Variants in EHBP1 observed in about 807,000 individuals in gnomAD.
EHBP1 encodes the protein EH domain-binding protein 1.
In EHBP1, 55 loss-of-function variants were observed where a neutral mutation model predicts 144.0. The ratio of observed to expected loss-of-function variants is 0.38; its 90% CI spans 0.31 to 0.48. The LOEUF is 0.48. Ranked by LOEUF, EHBP1 falls within the 20% of genes least tolerant of loss-of-function variation. The pLI is 0.98. For missense variants in EHBP1, 1,200 were observed against 1,364.2 expected (o/e 0.88, Z 1.90); for synonymous variants, 469 against 472.7 (o/e 0.99, Z 0.10).
chr2:62,860,853 C>T (rs891623563), intron 8 of EHBP1, among the ~76,000 whole-genome samples: 3 of 152,084 alleles, frequency 2.0e-5, no homozygotes, highest in African/African-American at 4.8e-5. Context: ...GTAAGCCAGC[C>T]TGATTCAGAA....
chr2:62,860,491 A>G (rs906258082), intron 8 of EHBP1, among the ~76,000 whole-genome samples: 1 of 88,394 alleles, frequency 1.1e-5, no homozygotes, highest in Non-Finnish European at 2.6e-5. Context: ...ACTCCATCTC[A>G]AAAAAAGAAA....
intron 19 of EHBP1, among the ~76,000 whole-genome samples, chr2:63,021,621 C>T (rs1330886641): frequency 6.6e-6 from 1 of 152,176 alleles, no homozygotes; most frequent in Admixed American, 6.5e-5. Context: ...GATTAACCAA[C>T]ATTTCATAAT....
intron 1 of EHBP1, among the ~76,000 whole-genome samples, chr2:62,690,690 C>G (rs891859840): frequency 3.3e-5 from 5 of 152,104 alleles, no homozygotes; most frequent in African/African-American, 1.2e-4. Context: ...ACTTTGTCTC[C>G]TACCAGGGAG....
intron 19 of EHBP1, among the ~76,000 whole-genome samples, chr2:63,031,572 TTAA>T (rs1340424640): frequency 1.3e-5 from 2 of 152,308 alleles, no homozygotes; most frequent in East Asian, 3.9e-4. Context: ...TCATTTACCT[TTAA>T]AGGCTCTTAG....
intron 5 of EHBP1, among the ~76,000 whole-genome samples, chr2:62,796,436 T>A (rs548084541): frequency 6.6e-6 from 1 of 152,182 alleles, no homozygotes; most frequent in Non-Finnish European, 1.5e-5. Flanking sequence ...GGTCACCTTT[T>A]AATACACAAT....
At position 62,953,497 on chromosome 2, in the gene EHBP1, T is replaced by A. The variant is rs1012494125; in HGVS notation, c.2317-2020T>A. Among the ~76,000 whole-genome samples the A allele has an allele frequency of 4.6e-5, 7 of 151,760 alleles. No individual in the cohort carries two copies. In the South Asian group the frequency reaches 6.2e-4, roughly 14 times the overall value. On this transcript the variant is annotated intron_variant, in intron 13 of 22. Coordinates refer to ENST00000431489, the MANE Select transcript of EHBP1 (RefSeq NM_001142616.3). ...CTGAGAGGTCAAGGCTGCAGTGAGC[T>A]GTGATCATGCCATTGGACTCCAGCC...
intron 2 of EHBP1, among the ~76,000 whole-genome samples, chr2:62,737,874 C>A (rs540688198): frequency 5.3e-5 from 8 of 152,062 alleles, no homozygotes; most frequent in African/African-American, 7.2e-5. Context: ...AATGATTCTT[C>A]CCTCTTAGCC....
upstream of EHBP1, among the ~76,000 whole-genome samples, chr2:62,705,252 C>T (rs913818102): frequency 2.6e-5 from 4 of 151,968 alleles, no homozygotes; most frequent in Non-Finnish European, 4.4e-5. Context: ...GAGATGAGAA[C>T]AGGAGAGAAA....
At chr2:62,893,879 A>C (rs1031776338) in intron 10 of EHBP1, among the ~76,000 whole-genome samples, 2 of 152,092 alleles carry the variant, frequency 1.3e-5, no homozygotes, top group African/African-American at 4.8e-5. Flanking sequence ...CCCTGTCTCC[A>C]CTACAAATAC....
At position 62,993,867 on chromosome 2, in the gene EHBP1, TA is replaced by T; in HGVS notation, c.2873-2del. The T allele has an allele frequency of 6.5e-7, 1 of 1,528,798 alleles. No individual in the cohort carries two copies. 94.7% of individuals were successfully genotyped at this position (1,528,798 alleles called of 1,614,324 possible). The stretch of plus-strand genomic sequence containing the variant: ...TTACATGTCTTTCCTCTTTTTTTTT[TA>T]AGAGATGAAAAGGCAGAGATCAATA... On this transcript the variant is annotated splice_region_variant and splice_polypyrimidine_tract_variant and intron_variant, in intron 17 of 22. Coordinates refer to ENST00000431489, the MANE Select transcript of EHBP1 (RefSeq NM_001142616.3).
chr2:62,997,428 ATGTGTGTGTGTGTGTGTGTG>A (rs70962800), intron 19 of EHBP1, among the ~76,000 whole-genome samples: 44 of 90,622 alleles, frequency 4.9e-4, no homozygotes, highest in African/African-American at 1.2e-3. Context: ...AAAGGAACTC[ATGTGTGTGTGTGTGTGTGTG>A]TGTGTGTGTG....
At chr2:62,710,789 T>A (rs537367493) in intron 2 of EHBP1, among the ~76,000 whole-genome samples, 41 of 152,294 alleles carry the variant, frequency 2.7e-4, no homozygotes, top group Non-Finnish European at 4.4e-5. Context: ...CCCAGCTTAG[T>A]CTTCCAATTA....
intron 13 of EHBP1, among the ~76,000 whole-genome samples, chr2:62,952,954 C>T (rs1000508538): frequency 6.6e-6 from 1 of 152,100 alleles, no homozygotes; most frequent in Non-Finnish European, 1.5e-5. Context: ...TACCATGGCT[C>T]ACTCCTGTAA....
At chr2:63,027,155 G>C (rs2061017711) in intron 19 of EHBP1, among the ~76,000 whole-genome samples, 2 of 152,100 alleles carry the variant, frequency 1.3e-5, no homozygotes, top group Non-Finnish European at 2.9e-5. Flanking sequence ...TATATGACTT[G>C]AGATAAATTA....
At chr2:62,883,804 A>G (rs1009834145) in intron 10 of EHBP1, among the ~76,000 whole-genome samples, 2 of 152,176 alleles carry the variant, frequency 1.3e-5, no homozygotes, top group African/African-American at 4.8e-5. Flanking sequence ...TCTCTACAAA[A>G]AAATTAAAAT....
At chr2:62,734,968 A>G (rs935255399) in intron 2 of EHBP1, among the ~76,000 whole-genome samples, 5 of 152,064 alleles carry the variant, frequency 3.3e-5, no homozygotes, top group Non-Finnish European at 5.9e-5. Flanking sequence ...TGGCGCGATC[A>G]CGGCACACTG....
Position 62,764,367 on chromosome 2 carries a change from T to G in EHBP1, c.258+6T>G. 6.4e-7 allele frequency: 1 copy of G among 1,564,026 alleles called. No individual in the cohort carries two copies. The highest frequency in any genetic ancestry group is 8.6e-7 in the Non-Finnish European group (1 of 1,159,284). ...TCACTGTAACACTTTTTAAGGTAAG[T>G]TCCATTTTTATAGGCTATAGAATTT... On this transcript the variant is annotated splice_donor_region_variant and intron_variant, in intron 4 of 22. Coordinates refer to ENST00000431489, the MANE Select transcript of EHBP1 (RefSeq NM_001142616.3).
chr2:62,867,705 G>A (rs1446604598), intron 9 of EHBP1, among the ~76,000 whole-genome samples: 2 of 152,054 alleles, frequency 1.3e-5, no homozygotes, highest in African/African-American at 2.4e-5. Context: ...TAATTTGTCA[G>A]CTGTTTATAA....
intron 19 of EHBP1, among the ~76,000 whole-genome samples, chr2:62,996,968 C>T (rs769537396): frequency 5.9e-5 from 9 of 151,978 alleles, no homozygotes; most frequent in South Asian, 4.2e-4. Flanking sequence ...GCCCTGATAC[C>T]GTGTGAGCCA....
Sources: gnomAD v4.1 joint callset for allele counts (sites outside exome capture counted in the v4.1 genomes callset) on GRCh38, gnomAD v4.1.1 for gene constraint, MANE v1.5 for transcripts, NCBI Gene and HGNC (gene_info 2026-07-23, HGNC 2026-07-21) for gene names.